The following GALNTL6 variants were observed in gnomAD, a reference collection of about 807,000 sequenced individuals.
GALNTL6 encodes the protein polypeptide N-acetylgalactosaminyltransferase-like 6.
Under a neutral mutation model 73.7 loss-of-function variants are expected in GALNTL6, and 46 were observed. The observed-to-expected ratio is 0.62, with a 90% CI of 0.49 to 0.80. The LOEUF is 0.80. GALNTL6 is among the 30% of genes least tolerant of loss of function. The pLI is 0.00. For synonymous variants in GALNTL6, 259 were observed against 263.7 expected (o/e 0.98, Z 0.17); for missense variants, 604 against 755.0 (o/e 0.80, Z 2.34).
chr4:172,623,210 A>C (rs1045531340), intron 5 of GALNTL6, among the ~76,000 whole-genome samples: 1 of 152,166 alleles, frequency 6.6e-6, no homozygotes, highest in Admixed American at 6.6e-5. Flanking sequence ...TGAGCTATGA[A>C]GATAAATACC....
rs564843015 is a variant in GALNTL6 at position 172,959,770 on chromosome 4, C to A, written c.1371+7512C>A. 9.8e-5 allele frequency among the ~76,000 whole-genome samples: 15 copies of A among 152,294 alleles called. 1 individual carries two copies. In the South Asian group the frequency reaches 3.1e-3, roughly 32 times the overall value. On this transcript the variant is annotated intron_variant, in intron 10 of 12. Transcript: ENST00000506823. ...GGGGTCCTGCACAGATGGGACATGG[C>A]TTAGGAGGAATCCTGGGCTGCGGGC...
At chr4:172,385,272 C>G (rs935305095) in intron 5 of GALNTL6, among the ~76,000 whole-genome samples, 1 of 151,892 alleles carries the variant, frequency 6.6e-6, no homozygotes, top group South Asian at 2.1e-4. Context: ...ATTGCGTATT[C>G]TATAGATTAT....
At chr4:172,366,503 A>G (rs1329065959) in intron 5 of GALNTL6, among the ~76,000 whole-genome samples, 2 of 152,164 alleles carry the variant, frequency 1.3e-5, no homozygotes, top group African/African-American at 4.8e-5. Context: ...TGCCTGACTG[A>G]TTGCCAAACA....
intron 5 of GALNTL6, among the ~76,000 whole-genome samples, chr4:172,554,583 C>T (rs1468368641): frequency 1.3e-5 from 2 of 152,128 alleles, no homozygotes; most frequent in African/African-American, 4.8e-5. Flanking sequence ...CTACTTTCTC[C>T]TCCCCACTAG....
chr4:172,545,841 A>C (rs891834860), intron 5 of GALNTL6: 1 of 152,190 alleles, frequency 6.6e-6, no homozygotes, highest in African/African-American at 2.4e-5. Flanking sequence ...CCTGTGGCCT[A>C]TATATTGAGT....
intron 5 of GALNTL6, among the ~76,000 whole-genome samples, chr4:172,514,892 G>C (rs13122643): frequency 0.2 from 29,837 of 152,138 alleles, 3,192 homozygotes; most frequent in African/African-American, 0.26. Context: ...TCCTAGTAAG[G>C]ATGTGTGTTC....
At chr4:172,844,342 A>C (rs1743375772) in intron 7 of GALNTL6, among the ~76,000 whole-genome samples, 1 of 152,160 alleles carries the variant, frequency 6.6e-6, no homozygotes, top group Non-Finnish European at 1.5e-5. Flanking sequence ...AACCTTCTGA[A>C]GTTGGTGACT....
At chr4:172,686,428 T>C (rs913514216) in intron 5 of GALNTL6, among the ~76,000 whole-genome samples, 11 of 152,156 alleles carry the variant, frequency 7.2e-5, no homozygotes, top group African/African-American at 2.7e-4. Flanking sequence ...AGCTTTGTTA[T>C]TCAATACTAA....
chr4:172,229,756 T>C lies in GALNTL6; in HGVS notation c.239T>C (p.Met80Thr), dbSNP rs139033774. The C allele has an allele frequency of 1.2e-6, 2 of 1,605,826 alleles. No individual in the cohort carries two copies. Among genetic ancestry groups the C allele is most frequent in the African/African-American group, 1.3e-5 (1 of 74,882 alleles). ...TATGAAAGCATTCAGAAAGAGGCTA[T>C]GCGCTCAGGTATGAAGCTCAGTGTA... The part of the protein sequence containing the change: ...HDYESIQKEA[M>T]RSGKGEHGKP... Residue 80 changes from methionine (M) to threonine (T), a missense_variant, in exon 3 of 13, where the codon ATG (methionine) becomes ACG (threonine). Met to Thr is a moderately conservative substitution (Grantham distance 81). Around this residue, in one of 5 missense-constraint regions of GALNTL6, gnomAD observed 141 missense variants for 156.6 expected, o/e 0.90. Coordinates refer to ENST00000506823, the MANE Select transcript of GALNTL6 (RefSeq NM_001034845.3).
chr4:172,539,037 A>G (rs1735451324), intron 5 of GALNTL6, among the ~76,000 whole-genome samples: 1 of 152,230 alleles, frequency 6.6e-6, no homozygotes, highest in Non-Finnish European at 1.5e-5. Flanking sequence ...ATGTCATCAG[A>G]GTCAGTAAAA....
chr4:172,385,464 T>C (rs1047024734), intron 5 of GALNTL6, among the ~76,000 whole-genome samples: 9 of 152,106 alleles, frequency 5.9e-5, no homozygotes, highest in Non-Finnish European at 1.0e-4. Context: ...TTTCCTGTGG[T>C]TCACATGTAT....
intron 5 of GALNTL6, among the ~76,000 whole-genome samples, chr4:172,375,618 A>C (rs980569641): frequency 2.6e-5 from 4 of 152,194 alleles, no homozygotes; most frequent in Non-Finnish European, 5.9e-5. Flanking sequence ...TGGTCCCTGG[A>C]CCCTGCTGAT....
chr4:172,623,043 T>C (rs1366867816), intron 5 of GALNTL6, among the ~76,000 whole-genome samples: 2 of 152,090 alleles, frequency 1.3e-5, no homozygotes, highest in Non-Finnish European at 2.9e-5. Flanking sequence ...AAACCTAGGC[T>C]GCAACATAAT....
At chr4:173,009,915 T>C (rs1206001007) in intron 11 of GALNTL6, among the ~76,000 whole-genome samples, 1 of 152,232 alleles carries the variant, frequency 6.6e-6, no homozygotes, top group East Asian at 1.9e-4. Context: ...GTACATGAAA[T>C]GTTTTGATAC....
chr4:172,584,568 G>A lies in GALNTL6; in HGVS notation c.554-224793G>A, dbSNP rs145627539. 7.1e-3 allele frequency among the ~76,000 whole-genome samples: 1,085 copies of A among 152,244 alleles called. 18 individuals carry two copies. Among genetic ancestry groups the A allele is most frequent in the African/African-American group, 0.025 (1,026 of 41,542 alleles). On this transcript the variant is annotated intron_variant, in intron 5 of 12. Coordinates refer to ENST00000506823, the MANE Select transcript of GALNTL6 (RefSeq NM_001034845.3). ...TTTAAGAAATACCAAGAAATTAAAC[G>A]TTGTGATTAAATGGACATGCTTCTT...
intron 2 of GALNTL6, among the ~76,000 whole-genome samples, chr4:172,203,097 G>A (rs1038264716): frequency 6.6e-6 from 1 of 152,172 alleles, no homozygotes; most frequent in African/African-American, 2.4e-5. Context: ...ATAAAAATAG[G>A]CAGTGTTTGT....
chr4:172,323,053 C>T (rs1171021029), intron 4 of GALNTL6, among the ~76,000 whole-genome samples: 1 of 152,148 alleles, frequency 6.6e-6, no homozygotes, highest in Admixed American at 6.6e-5. Flanking sequence ...TGCCATGCTT[C>T]ATGAGCACAT....
At chr4:172,418,510 G>C (rs1730925504) in intron 5 of GALNTL6, among the ~76,000 whole-genome samples, 1 of 152,270 alleles carries the variant, frequency 6.6e-6, no homozygotes, top group East Asian at 1.9e-4. Context: ...CCATCCTATA[G>C]TGGGGAACCA....
At chr4:172,738,659 G>A (rs1051174291) in intron 5 of GALNTL6, among the ~76,000 whole-genome samples, 1 of 152,134 alleles carries the variant, frequency 6.6e-6, no homozygotes, top group African/African-American at 2.4e-5. Context: ...AGTCAAGTAT[G>A]AGTGACCATG....
Sources: gnomAD v4.1 joint callset for allele counts (sites outside exome capture counted in the v4.1 genomes callset) on GRCh38, gnomAD v4.1.1 for gene constraint, gnomAD v4.1.1 regional missense constraint, MANE v1.5 for transcripts, NCBI Gene and HGNC (gene_info 2026-07-23, HGNC 2026-07-21) for gene names.